Variants in FRYL observed in about 807,000 individuals in gnomAD.
The protein encoded by FRYL is FRY like transcription coactivator, also known as protein furry homolog-like.
Under a neutral mutation model 351.2 loss-of-function variants are expected in FRYL, and 150 were observed. That is an observed-to-expected ratio of 0.43 (90% CI 0.37 to 0.49). The LOEUF is 0.49. FRYL is among the 20% of genes least tolerant of loss of function. FRYL has a pLI of 0.00. For missense variants in FRYL, 3,036 were observed against 3,619.3 expected, an observed-to-expected ratio of 0.84 and a Z score of 4.13; for synonymous variants, 1,153 against 1,257.1, an observed-to-expected ratio of 0.92 and a Z score of 1.75.
chr4:48,589,946 A>G (rs1742900671), intron 17 of FRYL, 69 bp from the exon 18 acceptor site: 1 of 1,328,412 alleles, frequency 7.5e-7, no homozygotes, highest in Non-Finnish European at 1.1e-6. Flanking sequence ...TTCTGTAATA[A>G]AAGCCTATTA....
intron 60 of FRYL, among the ~76,000 whole-genome samples, chr4:48,504,446 T>C (rs1437913888): frequency 1.3e-5 from 2 of 152,144 alleles, no homozygotes; most frequent in African/African-American, 4.8e-5. Flanking sequence ...ACCTAGTTTT[T>C]GTAGGAAAAA....
At chr4:48,664,737 A>C (rs895269910) in intron 3 of FRYL, among the ~76,000 whole-genome samples, 3 of 152,334 alleles carry the variant, frequency 2.0e-5, no homozygotes, top group South Asian at 4.1e-4. Flanking sequence ...AGTGCTTGCT[A>C]GCCAACAATA....
intron 1 of FRYL, among the ~76,000 whole-genome samples, chr4:48,744,034 A>G (rs537085356): frequency 6.6e-6 from 1 of 152,340 alleles, no homozygotes; most frequent in African/African-American, 2.4e-5. Context: ...GAACCCTAAC[A>G]CAACCTATGT....
chr4:48,671,857 ACAAAAAAAAAAAAAAC>A (rs1762751255), intron 3 of FRYL, among the ~76,000 whole-genome samples: 3 of 120,626 alleles, frequency 2.5e-5, no homozygotes, highest in African/African-American at 9.5e-5. Context: ...CGTCTCAAAA[ACAAAAAAAAAAAAAAC>A]AAAAAAAAAA....
chr4:48,670,504 T>C (rs1278552612), intron 3 of FRYL, among the ~76,000 whole-genome samples: 1 of 151,608 alleles, frequency 6.6e-6, no homozygotes, highest in African/African-American at 2.4e-5. Flanking sequence ...CACCCTGCTG[T>C]GCTAGCAAAT....
At chr4:48,609,933 A>G in intron 7 of FRYL, 110 bp from the exon 8 acceptor site, 1 of 496,190 alleles carries the variant, frequency 2.0e-6, no homozygotes, top group Non-Finnish European at 3.5e-6. Context: ...TCATGGGATT[A>G]TTACTAATCT....
Position 48,573,240 on chromosome 4 carries a change from T to C in FRYL, c.2850A>G (p.Glu950=), listed in dbSNP as rs897540201. 2.5e-6 allele frequency: 4 copies of C among 1,604,808 alleles called. No individual in the cohort carries two copies. Among genetic ancestry groups the C allele is most frequent in the Non-Finnish European group, 2.6e-6 (3 of 1,171,804 alleles). ...TTATGGGATGTAATTCCTCTATTAG[T>C]TCCCTGGAAGAAAAATGGTACATAT... ...LGRTNPGAFR[E]LIEELHPIIK... Residue 950 remains glutamate (E), a synonymous_variant, in exon 26 of 64, where the codon GAA becomes GAG. Coordinates refer to ENST00000358350, the MANE Select transcript of FRYL (RefSeq NM_015030.2).
intron 57 of FRYL, 132 bp downstream of exon 57, chr4:48,512,349 C>CTAAGTAATGT: frequency 1.6e-6 from 1 of 638,100 alleles, no homozygotes; most frequent in Admixed American, 3.0e-5. Context: ...TAAGTAATAC[C>CTAAGTAATGT]ATTAGCTTAG....
rs1269911334 is a variant in FRYL at position 48,626,046 on chromosome 4, G to A, written c.121-2867C>T. Among the ~76,000 whole-genome samples the A allele has an allele frequency of 3.9e-5, 6 of 152,016 alleles. No individual in the cohort carries two copies. The East Asian group carries it at 1.2e-3, about 29-fold the overall frequency. On this transcript the variant is annotated intron_variant, in intron 4 of 63. Transcript: ENST00000358350. ...ATCCTTAAACTCAAGGGTTGCTGCT[G>A]GGGTTTCTAGTACTTGGTGGTATCC...
chr4:48,600,334 T>C (rs1417826477), intron 13 of FRYL, among the ~76,000 whole-genome samples: 1 of 152,156 alleles, frequency 6.6e-6, no homozygotes, highest in African/African-American at 2.4e-5. Flanking sequence ...ACTTAATAAA[T>C]AGGAGCCAAT....
At chr4:48,753,885 C>A (rs1333432234) in intron 1 of FRYL, among the ~76,000 whole-genome samples, 1 of 151,920 alleles carries the variant, frequency 6.6e-6, no homozygotes, top group Non-Finnish European at 1.5e-5. Context: ...TTGAACAGAT[C>A]CCGCATTTCC....
chr4:48,711,205 A>G (rs557174918), intron 1 of FRYL, among the ~76,000 whole-genome samples: 6 of 152,344 alleles, frequency 3.9e-5, no homozygotes, highest in South Asian at 4.1e-4. Flanking sequence ...AGTGCCAGAC[A>G]GTGGGCGCAG....
At position 48,609,713 on chromosome 4, in the gene FRYL, G is replaced by C. The variant is rs553530156; in HGVS notation, c.491+31C>G. The C allele has an allele frequency of 6.1e-6, 7 of 1,144,096 alleles. No homozygotes were observed. In the African/African-American group the frequency reaches 1.1e-4, roughly 18 times the overall value. 70.9% of individuals were successfully genotyped at this position (1,144,096 alleles called of 1,614,324 possible). A position where few individuals can be genotyped will look rare whatever the true frequency, so the allele number is the denominator to read the frequency against. ...AGTCTAGACCTGGATTGCAAAAAAAGGCAACAATCCCAAGTTAGTATTTTA... is the reference window on the plus strand; with the variant it reads ...AGTCTAGACCTGGATTGCAAAAAAACGCAACAATCCCAAGTTAGTATTTTA... On this transcript the variant is annotated intron_variant, in intron 8 of 63. Coordinates refer to ENST00000358350, the MANE Select transcript of FRYL (RefSeq NM_015030.2).
chr4:48,676,542 C>T (rs1241081363), intron 3 of FRYL, among the ~76,000 whole-genome samples: 2 of 150,800 alleles, frequency 1.3e-5, no homozygotes, highest in Non-Finnish European at 3.0e-5. Flanking sequence ...CCACCAGGCC[C>T]GGCTATTTTT....
chr4:48,568,763 C>A (rs1257604582), intron 27 of FRYL, among the ~76,000 whole-genome samples: 1 of 151,852 alleles, frequency 6.6e-6, no homozygotes, highest in South Asian at 2.1e-4. Flanking sequence ...TCCTTTATTC[C>A]TTAAATGAGT....
chr4:48,524,124 T>C (rs1725472415), intron 53 of FRYL, among the ~76,000 whole-genome samples: 1 of 150,678 alleles, frequency 6.6e-6, no homozygotes, highest in Non-Finnish European at 1.5e-5. Flanking sequence ...CAAAATATGA[T>C]TTTTTTTTTC....
intron 44 of FRYL, 109 bp downstream of exon 44, chr4:48,543,698 T>G: frequency 1.1e-6 from 1 of 905,556 alleles, no homozygotes; most frequent in East Asian, 2.5e-5. Flanking sequence ...CATCTGACTA[T>G]AATTCTAGAT....
At chr4:48,758,998 G>A (rs1324803794) in intron 1 of FRYL, among the ~76,000 whole-genome samples, 9 of 152,064 alleles carry the variant, frequency 5.9e-5, no homozygotes, top group South Asian at 2.1e-4. Context: ...ACTAAACACC[G>A]CATGTTCTCA....
chr4:48,694,704 C>G (rs1042448569), intron 2 of FRYL, among the ~76,000 whole-genome samples: 2 of 152,114 alleles, frequency 1.3e-5, no homozygotes, highest in African/African-American at 4.8e-5. Flanking sequence ...ACAGGAAAAA[C>G]AAGTGTTATA....
Sources: gnomAD v4.1 joint callset for allele counts (sites outside exome capture counted in the v4.1 genomes callset) on GRCh38, gnomAD v4.1.1 for gene constraint, MANE v1.5 for transcripts, NCBI Gene and HGNC (gene_info 2026-07-23, HGNC 2026-07-21) for gene names.